The following ATP10D variants were observed in gnomAD, a reference collection of about 807,000 sequenced individuals.
The protein encoded by ATP10D is ATPase phospholipid transporting 10D (putative), also known as phospholipid-transporting ATPase VD.
ATP10D carries 89 observed loss-of-function variants against 144.8 expected under a neutral mutation model. That is an observed-to-expected ratio of 0.61 (90% confidence interval 0.52 to 0.73). The LOEUF is 0.73. ATP10D is among the 30% of genes least tolerant of loss of function. The pLI, the probability that ATP10D is intolerant of heterozygous loss-of-function variation, is 0.00. For missense variants in ATP10D, 1,603 were observed against 1,714.8 expected (o/e 0.93, Z 1.15); for synonymous variants, 571 against 615.1 (o/e 0.93, Z 1.06).
chr4:47,508,063 A>T (rs1716118099), intron 1 of ATP10D, among the ~76,000 whole-genome samples: 1 of 152,182 alleles, frequency 6.6e-6, no homozygotes, highest in Non-Finnish European at 1.5e-5. Context: ...TCTCCAGGGG[A>T]GAGGCTTTGG....
At chr4:47,561,841 C>T (rs933587374) in intron 14 of ATP10D, among the ~76,000 whole-genome samples, 3 of 152,134 alleles carry the variant, frequency 2.0e-5, no homozygotes, top group Non-Finnish European at 4.4e-5. Context: ...GTTTGAGAAC[C>T]ACTGTCTTAG....
At chr4:47,542,957 A>T (rs551249837) in intron 9 of ATP10D, among the ~76,000 whole-genome samples, 5 of 151,890 alleles carry the variant, frequency 3.3e-5, no homozygotes, top group Non-Finnish European at 2.9e-5. Context: ...GATGGCTAGG[A>T]GTTACACGAT....
At chr4:47,506,328 G>T (rs1249048628) in intron 1 of ATP10D, among the ~76,000 whole-genome samples, 1 of 151,974 alleles carries the variant, frequency 6.6e-6, no homozygotes, top group Admixed American at 6.5e-5. Context: ...TAAATGGCAT[G>T]TGGAAGTATT....
Position 47,591,106 on chromosome 4 carries a change from G to A in ATP10D, c.4006G>A (p.Asp1336Asn), listed in dbSNP as rs755272519. 3 of 1,613,052 alleles carry A rather than the reference G, an allele frequency of 1.9e-6. No individual in the cohort carries two copies. In the East Asian group the frequency reaches 6.7e-5, roughly 36 times the overall value. The change falls in exon 23 of 23, where the codon GAC becomes AAC. Residue 1336 changes from aspartate (D) to asparagine (N), a missense_variant. By Grantham distance (23) the Asp-to-Asn change is conservative. Transcript: ENST00000273859. ...PSPILRAKHF[D>N]RLTPEERTKA... ...TCCAATTCTGAGAGCTAAGCACTTT[G>A]ACAGACTAACTCCAGAGGAGAGGAC...
chr4:47,516,882 C>T (rs1017319081), intron 3 of ATP10D, among the ~76,000 whole-genome samples: 1 of 152,138 alleles, frequency 6.6e-6, no homozygotes, highest in Non-Finnish European at 1.5e-5. Flanking sequence ...TTGACTAAAA[C>T]AGTTCTATTA....
At position 47,592,318 on chromosome 4, in the gene ATP10D, C is replaced by G. The variant is rs1241454653; in HGVS notation, c.*937C>G. ...TGAAGGTTCATAGTTTTTACAATAC[C>G]CTGAGACTTTTCAGGTGTTGGAGCC... On this transcript the variant is annotated 3_prime_UTR_variant, in exon 23 of 23. Coordinates refer to ENST00000273859, the MANE Select transcript of ATP10D (RefSeq NM_020453.4). 1 of 152,404 alleles carries G rather than the reference C, an allele frequency of 6.6e-6. No homozygotes were observed. Among genetic ancestry groups the G allele is most frequent in the Admixed American group, 6.6e-5 (1 of 15,234 alleles). The allele number at this position is 152,404 out of a possible 1,614,324, so 9.4% of individuals were successfully genotyped here.
At chr4:47,524,549 C>T (rs1717134538) in intron 4 of ATP10D, among the ~76,000 whole-genome samples, 1 of 152,182 alleles carries the variant, frequency 6.6e-6, no homozygotes, top group African/African-American at 2.4e-5. Context: ...AAAGTAATGG[C>T]AAAAAGCATG....
rs1463731020 is a variant in ATP10D at position 47,563,780 on chromosome 4, A to G, written c.2853+15A>G. ...CCCAAAGTAAAGTGCGTATATTGAGATTAAATCTGTTCTTCTGTATTTTCA... is the reference window on the plus strand; with the variant it reads ...CCCAAAGTAAAGTGCGTATATTGAGGTTAAATCTGTTCTTCTGTATTTTCA... On this transcript the variant is annotated intron_variant, in intron 15 of 22. Transcript: ENST00000273859. 7.2e-6 allele frequency: 11 copies of G among 1,537,276 alleles called. No individual in the cohort carries two copies. The East Asian group carries it at 2.3e-4, about 32-fold the overall frequency.
At chr4:47,564,585 A>G (rs956103056) in intron 15 of ATP10D, among the ~76,000 whole-genome samples, 2 of 152,188 alleles carry the variant, frequency 1.3e-5, no homozygotes, top group African/African-American at 4.8e-5. Flanking sequence ...GAATATCATA[A>G]GTTTGAAGAA....
At chr4:47,511,535 T>C (rs557430803) in intron 1 of ATP10D, among the ~76,000 whole-genome samples, 1 of 152,338 alleles carries the variant, frequency 6.6e-6, no homozygotes, top group South Asian at 2.1e-4. Flanking sequence ...ACTCACATTT[T>C]GTTTTGATTA....
chr4:47,504,564 C>G (rs1016398008), intron 1 of ATP10D, among the ~76,000 whole-genome samples: 1 of 149,082 alleles, frequency 6.7e-6, no homozygotes, highest in Admixed American at 6.7e-5. Context: ...GTCAAGGAGA[C>G]TTTTTTTTTT....
chr4:47,554,283 T>G lies in ATP10D; in HGVS notation c.1636-443T>G, dbSNP rs561349724. ...AGTTGTTTTTTACAATAGCAGTAAC[T>G]TGAACCATAAAATACTTTGTTTCAA... On this transcript the variant is annotated intron_variant, in intron 10 of 22. Coordinates refer to ENST00000273859, the MANE Select transcript of ATP10D (RefSeq NM_020453.4). Among the ~76,000 whole-genome samples, 7 of 152,342 alleles carry G rather than the reference T, an allele frequency of 4.6e-5. No individual in the cohort carries two copies. The East Asian group carries it at 1.4e-3, about 29-fold the overall frequency.
Position 47,587,192 on chromosome 4 carries a change from T to G in ATP10D, c.3927T>G (p.Ile1309Met), listed in dbSNP as rs1157466045. 6.2e-7 allele frequency: 1 copy of G among 1,612,954 alleles called. No homozygotes were observed. Among genetic ancestry groups the G allele is most frequent in the Admixed American group, 1.7e-5 (1 of 59,898 alleles). Residue 1309 changes from isoleucine to methionine, a missense_variant, in exon 22 of 23, where the codon ATT (isoleucine) becomes ATG (methionine). By Grantham distance (10) the Ile-to-Met change is conservative (BLOSUM62 1). Transcript: ENST00000273859. ...TAGTTTGTATCCTCACGACGTCCAT[T>G]GCTCTTCTGCCCAGGTATGGTATTT... Reference protein sequence around the residue: ...FYLVCILTTSIALLPRFVYRV... With the variant: ...FYLVCILTTSMALLPRFVYRV...
intron 1 of ATP10D, among the ~76,000 whole-genome samples, chr4:47,495,004 A>T (rs1400373115): frequency 1.3e-5 from 2 of 152,228 alleles, no homozygotes; most frequent in Non-Finnish European, 2.9e-5. Flanking sequence ...TTTAGTAATT[A>T]TCTTTTGGTA....
intron 5 of ATP10D, among the ~76,000 whole-genome samples, chr4:47,528,511 GTGTATA>G (rs1214463539): frequency 8.5e-5 from 7 of 82,018 alleles, no homozygotes; most frequent in African/African-American, 4.1e-4. Context: ...GTGTGTGTGT[GTGTATA>G]TATATATATA....
intron 9 of ATP10D, among the ~76,000 whole-genome samples, chr4:47,543,561 G>A (rs1718266750): frequency 1.3e-5 from 2 of 152,026 alleles, no homozygotes. Context: ...AACCCCCAGG[G>A]GACAAATTCA....
chr4:47,491,430 G>GT (rs1560404345), intron 1 of ATP10D: 17 of 717,922 alleles, frequency 2.4e-5, no homozygotes, highest in Non-Finnish European at 5.1e-6. Context: ...CATGTATGGG[G>GT]TGCCGCTCCT....
rs1718449193 is a variant in ATP10D at position 47,546,668 on chromosome 4, G to T, written c.1441G>T (p.Asp481Tyr). The change falls in exon 10 of 23, where the codon GAT becomes TAT. Residue 481 changes from aspartate to tyrosine, a missense_variant. Asp to Tyr is a radical substitution (Grantham distance 160, BLOSUM62 -3). Transcript: ENST00000273859. ...SYQEAVSEDEDFIDTVSGSLS... is the reference protein window; with the variant it reads ...SYQEAVSEDEYFIDTVSGSLS... ...TCAGGAAGCTGTCTCTGAAGATGAA[G>T]ATTTTATAGACACAGTCAGTGGTTC... 1 of 1,614,124 alleles carries T rather than the reference G, an allele frequency of 6.2e-7. No homozygotes were observed. Among genetic ancestry groups the T allele is most frequent in the South Asian group, 1.1e-5 (1 of 91,080 alleles).
intron 1 of ATP10D, among the ~76,000 whole-genome samples, chr4:47,500,867 G>T (rs996862218): frequency 6.6e-6 from 1 of 152,212 alleles, no homozygotes; most frequent in Non-Finnish European, 1.5e-5. Flanking sequence ...AAAGGAAAGG[G>T]TATGAAACAG....
Sources: gnomAD v4.1 joint callset for allele counts (sites outside exome capture counted in the v4.1 genomes callset) on GRCh38, gnomAD v4.1.1 for gene constraint, MANE v1.5 for transcripts, NCBI Gene and HGNC (gene_info 2026-07-23, HGNC 2026-07-21) for gene names.